LHFPL3: variants seen among roughly 807,000 people sequenced by gnomAD.
LHFPL3 encodes the protein LHFPL tetraspan subfamily member 3 protein.
A neutral mutation model predicts 19.3 loss-of-function variants in LHFPL3; 5 were observed. The ratio of observed to expected loss-of-function variants is 0.26; its 90% CI spans 0.14 to 0.54. LHFPL3 has a LOEUF of 0.54. LHFPL3 is among the 20% of genes least tolerant of loss of function. LHFPL3 has a pLI of 0.94. For missense variants in LHFPL3, 249 were observed against 307.4 expected, an observed-to-expected ratio of 0.81 and a Z score of 1.42; for synonymous variants, 133 against 126.2, an observed-to-expected ratio of 1.05 and a Z score of -0.36.
intron 1 of LHFPL3, among the ~76,000 whole-genome samples, chr7:104,539,169 T>C (rs985396571): frequency 6.6e-6 from 1 of 152,210 alleles, no homozygotes; most frequent in Non-Finnish European, 1.5e-5. Context: ...TGTAAGATAA[T>C]AAATTTGTGT....
intron 2 of LHFPL3, among the ~76,000 whole-genome samples, chr7:104,882,600 CA>C (rs1792078163): frequency 6.6e-6 from 1 of 152,078 alleles, no homozygotes; most frequent in African/African-American, 2.4e-5. Context: ...TCCATAGAGA[CA>C]GAAAGTATCT....
intron 1 of LHFPL3, among the ~76,000 whole-genome samples, chr7:104,439,864 G>A (rs1792182137): frequency 6.6e-6 from 1 of 152,008 alleles, no homozygotes; most frequent in Non-Finnish European, 1.5e-5. Flanking sequence ...AGAAAAAAAG[G>A]TAAAACATAA....
At chr7:104,850,682 TAGAAACGCA>T (rs780083963) in intron 2 of LHFPL3, among the ~76,000 whole-genome samples, 144 of 152,302 alleles carry the variant, frequency 9.5e-4, no homozygotes, top group Non-Finnish European at 1.5e-3. Context: ...AGAAACTTAT[TAGAAACGCA>T]AGTTTTCAAA....
At chr7:104,655,678 T>C (rs774771813) in intron 1 of LHFPL3, among the ~76,000 whole-genome samples, 10 of 152,342 alleles carry the variant, frequency 6.6e-5, no homozygotes, top group Non-Finnish European at 1.2e-4. Context: ...TTTGGCAAGG[T>C]GCATCTTTTC....
chr7:104,405,801 T>C (rs1791401666), intron 1 of LHFPL3, among the ~76,000 whole-genome samples: 1 of 152,198 alleles, frequency 6.6e-6, no homozygotes, highest in African/African-American at 2.4e-5. Flanking sequence ...TTGAGAGGAC[T>C]TGGATGTAAC....
chr7:104,515,152 T>A (rs2115784787), intron 1 of LHFPL3, among the ~76,000 whole-genome samples: 1 of 152,312 alleles, frequency 6.6e-6, no homozygotes, highest in Middle Eastern at 3.4e-3. Flanking sequence ...AAATTGGGAA[T>A]TAATAAAAAT....
intron 1 of LHFPL3, among the ~76,000 whole-genome samples, chr7:104,346,783 A>G (rs183807904): frequency 2.3e-3 from 346 of 151,722 alleles, no homozygotes; most frequent in African/African-American, 8.1e-3. Flanking sequence ...TCCCTATTGC[A>G]TTCCTTTTAT....
At chr7:104,614,353 C>T (rs889804967) in intron 1 of LHFPL3, among the ~76,000 whole-genome samples, 5 of 152,142 alleles carry the variant, frequency 3.3e-5, no homozygotes, top group Admixed American at 1.3e-4. Context: ...CCCCAAAAGT[C>T]TCTGTTATTG....
intron 1 of LHFPL3, among the ~76,000 whole-genome samples, chr7:104,570,105 T>G (rs1166494001): frequency 1.3e-5 from 2 of 152,240 alleles, no homozygotes; most frequent in Non-Finnish European, 2.9e-5. Context: ...TGTTTTTGTG[T>G]TATGAAAGCT....
chr7:104,618,950 G>T (rs1183338306), intron 1 of LHFPL3, among the ~76,000 whole-genome samples: 1 of 152,166 alleles, frequency 6.6e-6, no homozygotes, highest in Non-Finnish European at 1.5e-5. Context: ...CAGAAGAAGA[G>T]GCCCCTTAGT....
intron 1 of LHFPL3, among the ~76,000 whole-genome samples, chr7:104,486,988 C>T (rs898657048): frequency 1.3e-5 from 2 of 152,116 alleles, no homozygotes; most frequent in Non-Finnish European, 2.9e-5. Context: ...ATTTAAAAAT[C>T]ATTTTGGATA....
At chr7:104,535,857 C>T (rs10275118) in intron 1 of LHFPL3, among the ~76,000 whole-genome samples, 12,435 of 152,214 alleles carry the variant, frequency 0.082, 1,258 homozygotes, top group African/African-American at 0.25. Flanking sequence ...ATGGATGCTA[C>T]GGGAAAAACA....
intron 1 of LHFPL3, among the ~76,000 whole-genome samples, chr7:104,371,538 C>T (rs945799140): frequency 6.6e-6 from 1 of 152,182 alleles, no homozygotes; most frequent in African/African-American, 2.4e-5. Flanking sequence ...GAATATAGCT[C>T]ACTGTTTTCA....
chr7:104,356,293 T>C (rs965334496), intron 1 of LHFPL3, among the ~76,000 whole-genome samples: 5 of 152,188 alleles, frequency 3.3e-5, no homozygotes, highest in Admixed American at 2.0e-4. Context: ...TCCTGTTGAT[T>C]ACAGGCTGCC....
intron 2 of LHFPL3, among the ~76,000 whole-genome samples, chr7:104,856,119 G>A (rs1318987216): frequency 6.6e-6 from 1 of 152,046 alleles, no homozygotes; most frequent in African/African-American, 2.4e-5. Context: ...CAGTAACCCC[G>A]GGAGTTTCTC....
At chr7:104,335,803 A>G (rs75321094) in intron 1 of LHFPL3, among the ~76,000 whole-genome samples, 1 of 151,350 alleles carries the variant, frequency 6.6e-6, no homozygotes, top group African/African-American at 2.4e-5. Context: ...TGGCCAGGCT[A>G]GTATATTGCA....
At chr7:104,666,287 T>C (rs978085572) in intron 1 of LHFPL3, among the ~76,000 whole-genome samples, 5 of 151,948 alleles carry the variant, frequency 3.3e-5, no homozygotes, top group African/African-American at 9.7e-5. Context: ...TGTATGTTTA[T>C]ACCCATTAAT....
chr7:104,798,348 A>C (rs185769934), intron 2 of LHFPL3: 52 of 152,378 alleles, frequency 3.4e-4, no homozygotes, highest in African/African-American at 1.2e-3. Flanking sequence ...TGGATCAAAA[A>C]AATCTGAATT....
At chr7:104,886,528 C>G (rs1321486730) in intron 2 of LHFPL3, among the ~76,000 whole-genome samples, 1 of 152,130 alleles carries the variant, frequency 6.6e-6, no homozygotes, top group Non-Finnish European at 1.5e-5. Flanking sequence ...CCACACCTGG[C>G]TAATTTTTGT....
Sources: allele counts gnomAD v4.1 joint callset (sites outside exome capture counted in the v4.1 genomes callset), GRCh38; gene constraint gnomAD v4.1.1; transcripts MANE v1.5; gene names NCBI Gene and HGNC (gene_info 2026-07-23, HGNC 2026-07-21).